The following STAB2 variants were observed in gnomAD, a reference collection of about 807,000 sequenced individuals.
The protein encoded by STAB2 is stabilin-2.
Under a neutral mutation model 338.1 loss-of-function variants are expected in STAB2, and 288 were observed. The observed-to-expected ratio is 0.85, with a 90% confidence interval of 0.77 to 0.94. STAB2 has a LOEUF of 0.94. Ranked by LOEUF, STAB2 falls within the 40% of genes least tolerant of loss-of-function variation. The probability of loss-of-function intolerance (pLI) is 0.00; values close to 1 mark genes in which losing one functional copy is unlikely to be tolerated. For synonymous variants in STAB2, 1,202 were observed against 1,193.3 expected (o/e 1.01, Z -0.15); for missense variants, 3,141 against 3,210.1 (o/e 0.98, Z 0.52).
At position 103,692,896 on chromosome 12, in the gene STAB2, G is replaced by T; in HGVS notation, c.3375+7G>T. 6.2e-7 allele frequency: 1 copy of T among 1,610,678 alleles called. No homozygotes were observed. Among genetic ancestry groups the T allele is most frequent in the Non-Finnish European group, 8.5e-7 (1 of 1,177,216 alleles). On this transcript the variant is annotated splice_region_variant and intron_variant, in intron 31 of 68. Transcript: ENST00000388887. ...GATACACATCATCAACAAGGTACAAGATTCCATTCTCCTGTGCGTGCAGCA... is the reference window on the plus strand; with the variant it reads ...GATACACATCATCAACAAGGTACAATATTCCATTCTCCTGTGCGTGCAGCA...
chr12:103,670,624 G>A, intron 21 of STAB2, 72 bp from the exon 22 acceptor site: 2 of 1,183,770 alleles, frequency 1.7e-6, no homozygotes, highest in Non-Finnish European at 2.5e-6. Context: ...ATTCAAAGAA[G>A]TCAGGCCATG....
At chr12:103,599,532 G>C (rs555182320) in intron 3 of STAB2, among the ~76,000 whole-genome samples, 10 of 152,168 alleles carry the variant, frequency 6.6e-5, no homozygotes, top group Middle Eastern at 3.4e-3. Flanking sequence ...CCCTCTGCAG[G>C]GTTGCCAGAT....
In STAB2 at chr12:103,745,714, C is replaced by T. The variant is rs186638241; in HGVS notation, c.6136+437C>T. Among the ~76,000 whole-genome samples the T allele has an allele frequency of 2.0e-5, 3 of 152,290 alleles. No individual in the cohort carries two copies. In the East Asian group the frequency reaches 5.8e-4, roughly 29 times the overall value. On this transcript the variant is annotated intron_variant, in intron 57 of 68. Transcript: ENST00000388887. Reference sequence around the variant, plus strand: ...GCCTTAGAGAACCACACTCTCTGAGCCTTGACTTGCTTATCCTTAAAAAGA... The same window carrying T: ...GCCTTAGAGAACCACACTCTCTGAGTCTTGACTTGCTTATCCTTAAAAAGA...
intron 34 of STAB2, among the ~76,000 whole-genome samples, chr12:103,700,179 C>T (rs896317918): frequency 2.0e-5 from 3 of 152,166 alleles, no homozygotes; most frequent in African/African-American, 7.2e-5. Flanking sequence ...TAATATATTT[C>T]AGTTATAAAA....
Position 103,692,721 on chromosome 12 carries a change from G to T in STAB2, c.3298-91G>T, listed in dbSNP as rs923695708. 4.8e-6 allele frequency: 5 copies of T among 1,052,096 alleles called. No individual in the cohort carries two copies. The Admixed American group carries it at 8.2e-5, about 17-fold the overall frequency. 65.2% of individuals were successfully genotyped at this position (1,052,096 alleles called of 1,614,324 possible). On this transcript the variant is annotated intron_variant, in intron 30 of 68. Coordinates refer to ENST00000388887, the MANE Select transcript of STAB2 (RefSeq NM_017564.10). ...TTGGCCCAAAAGTATGAAGGTCACT[G>T]CTGCTCAAAAAGCAGAAACCCCAGA...
At chr12:103,675,658 A>G (rs951579774) in intron 23 of STAB2, among the ~76,000 whole-genome samples, 7 of 152,208 alleles carry the variant, frequency 4.6e-5, no homozygotes, top group African/African-American at 1.4e-4. Flanking sequence ...TATTAGGCCC[A>G]TTTTCCTCAT....
At chr12:103,660,637 C>A (rs376086874) in intron 16 of STAB2, 46 bp from the exon 17 acceptor site, 10 of 1,584,300 alleles carry the variant, frequency 6.3e-6, no homozygotes, top group East Asian at 4.5e-5. Context: ...CAGGGCCCTG[C>A]GTGTGGTCCC....
Position 103,761,176 on chromosome 12 carries a change from C to T in STAB2, c.7249-124C>T. 3 of 786,376 alleles carry T rather than the reference C, an allele frequency of 3.8e-6. No individual in the cohort carries two copies. In the South Asian group the frequency reaches 4.8e-5, roughly 13 times the overall value. The allele number at this position is 786,376 out of a possible 1,614,324, so 48.7% of individuals were successfully genotyped here. ...GAGGGTGAGGAGAAGTCCTGGGCTG[C>T]CTATCAGTGGAGACAAACCTGAAAC... On this transcript the variant is annotated intron_variant, in intron 65 of 68. Transcript: ENST00000388887.
At chr12:103,638,343 A>G (rs1565977566) in intron 8 of STAB2, 131 bp downstream of exon 8, 12 of 1,006,454 alleles carry the variant, frequency 1.2e-5, no homozygotes, top group Non-Finnish European at 1.7e-5. Flanking sequence ...CCCTCCAGAC[A>G]GTCCTCCATG....
Position 103,645,290 on chromosome 12 carries a change from G to A in STAB2, c.1041-3400G>A, listed in dbSNP as rs559535810. Among the ~76,000 whole-genome samples, 5 of 152,278 alleles carry A rather than the reference G, an allele frequency of 3.3e-5. No homozygotes were observed. The East Asian group carries it at 9.6e-4, about 29-fold the overall frequency. Reference sequence around the variant, plus strand: ...ACTGAGAACAGTTAAGTCAGAAACTGGTCTCATAACGTCTCAGACTTTGGA... The same window carrying A: ...ACTGAGAACAGTTAAGTCAGAAACTAGTCTCATAACGTCTCAGACTTTGGA... On this transcript the variant is annotated intron_variant, in intron 9 of 68. Coordinates refer to ENST00000388887, the MANE Select transcript of STAB2 (RefSeq NM_017564.10).
rs1566070837 is a variant in STAB2, at chr12:103,746,664, G to A, written c.6204G>A (p.Glu2068=). The A allele has an allele frequency of 1.2e-6, 2 of 1,613,974 alleles. No individual in the cohort carries two copies. Among genetic ancestry groups the A allele is most frequent in the Admixed American group, 1.7e-5 (1 of 60,008 alleles). The change falls in exon 58 of 69, where the codon GAG becomes GAA. Residue 2068 remains glutamate (E), a synonymous_variant. Transcript: ENST00000388887. ...CCTGTAAGGAGAACAACACGTGTGA[G>A]TGTAACCTGGATTATGAAGGTGACG... ...HATCKENNTC[E]CNLDYEGDGI... is the part of the protein sequence containing the mutation.
intron 9 of STAB2, among the ~76,000 whole-genome samples, chr12:103,641,978 G>A (rs750722230): frequency 2.6e-5 from 4 of 152,166 alleles, no homozygotes; most frequent in Non-Finnish European, 4.4e-5. Context: ...AGTAGCTTAT[G>A]CAGAATCTTC....
intron 25 of STAB2, among the ~76,000 whole-genome samples, chr12:103,682,879 C>T (rs1877050897): frequency 6.6e-6 from 1 of 152,080 alleles, no homozygotes; most frequent in African/African-American, 2.4e-5. Context: ...ACCTGGGAGG[C>T]AGAAGTTGCA....
At chr12:103,639,529 C>T (rs1191634813) in intron 8 of STAB2, among the ~76,000 whole-genome samples, 1 of 151,986 alleles carries the variant, frequency 6.6e-6, no homozygotes, top group Non-Finnish European at 1.5e-5. Flanking sequence ...ATAGCGAAAC[C>T]TCGTCTCTAC....
chr12:103,605,981 T>A (rs1957022303), intron 3 of STAB2, among the ~76,000 whole-genome samples: 1 of 152,128 alleles, frequency 6.6e-6, no homozygotes, highest in African/African-American at 2.4e-5. Context: ...CATTTATATT[T>A]AATGCGTTAG....
intron 11 of STAB2, among the ~76,000 whole-genome samples, chr12:103,652,239 G>A (rs1057400782): frequency 1.3e-5 from 2 of 151,918 alleles, no homozygotes; most frequent in African/African-American, 2.4e-5. Context: ...GTTCCTCCTG[G>A]GGCCATTGCG....
intron 34 of STAB2, among the ~76,000 whole-genome samples, chr12:103,700,213 CAAGT>C (rs2138952332): frequency 6.6e-6 from 1 of 152,162 alleles, no homozygotes; most frequent in East Asian, 1.9e-4. Flanking sequence ...TTTCAAATAT[CAAGT>C]AAAAAGATCA....
At position 103,670,720 on chromosome 12, in the gene STAB2, G is replaced by A. The variant is rs779938972; in HGVS notation, c.2284G>A (p.Gly762Arg). ...GTGTGCAGATAGCCTCGGCGGCAAC[G>A]GGACATGCATTTGTGAGGAGGGCTT... ...GQCADSLGGN[G>R]TCICEEGFQG... Residue 762 changes from glycine to arginine, a missense_variant, in exon 22 of 69, where the codon GGG (glycine) becomes AGG (arginine). By Grantham distance (125) the Gly-to-Arg change is moderately radical. Coordinates refer to ENST00000388887, the MANE Select transcript of STAB2 (RefSeq NM_017564.10). The A allele has an allele frequency of 1.3e-5, 21 of 1,613,948 alleles. No homozygotes were observed. The highest frequency in any genetic ancestry group is 1.1e-4 in the South Asian group (10 of 91,054).
intron 34 of STAB2, among the ~76,000 whole-genome samples, chr12:103,702,524 C>T (rs1012775694): frequency 2.0e-5 from 3 of 152,126 alleles, no homozygotes; most frequent in African/African-American, 7.2e-5. Flanking sequence ...TGGTCTCGAT[C>T]TCCTGACCTC....
Sources: allele counts gnomAD v4.1 joint callset (sites outside exome capture counted in the v4.1 genomes callset), GRCh38; gene constraint gnomAD v4.1.1; transcripts MANE v1.5; gene names NCBI Gene and HGNC (gene_info 2026-07-23, HGNC 2026-07-21).